The following THEMIS variants were observed in gnomAD, a reference collection of about 807,000 sequenced individuals.
THEMIS encodes the protein thymocyte selection associated.
A neutral mutation model predicts 52.6 loss-of-function variants in THEMIS; 37 were observed. The ratio of observed to expected loss-of-function variants is 0.70; its 90% confidence interval spans 0.54 to 0.93. The LOEUF (loss-of-function observed/expected upper bound fraction) is 0.93. Among genes scored for constraint, THEMIS ranks in the 40% least tolerant of loss-of-function variants. THEMIS has a pLI of 0.00. For missense variants in THEMIS, 808 were observed against 763.1 expected, an observed-to-expected ratio of 1.06 and a Z score of -0.69; for synonymous variants, 292 against 272.7, an observed-to-expected ratio of 1.07 and a Z score of -0.70.
chr6:127,911,246 C>T (rs1023275658), intron 1 of THEMIS, among the ~76,000 whole-genome samples: 1 of 151,160 alleles, frequency 6.6e-6, no homozygotes, highest in Admixed American at 6.6e-5. Flanking sequence ...TTAAGTGTAG[C>T]CTACACTTAA....
At chr6:127,751,497 C>A (rs1775642832) in intron 4 of THEMIS, among the ~76,000 whole-genome samples, 1 of 151,452 alleles carries the variant, frequency 6.6e-6, no homozygotes, top group Non-Finnish European at 1.5e-5. Flanking sequence ...ATATTCCATG[C>A]AAACAGTAAC....
chr6:127,829,487 C>G lies in THEMIS; in HGVS notation c.698G>C (p.Gly233Ala), dbSNP rs267600794. 2 of 1,602,582 alleles carry G rather than the reference C, an allele frequency of 1.2e-6. No individual in the cohort carries two copies. Among genetic ancestry groups the G allele is most frequent in the Non-Finnish European group, 1.7e-6 (2 of 1,174,974 alleles). The change falls in exon 3 of 6, where the codon GGT (glycine) becomes GCT (alanine). Residue 233 changes from glycine to alanine, a missense_variant. By Grantham distance (60) the Gly-to-Ala change is moderately conservative (BLOSUM62 0). Transcript: ENST00000368248. The stretch of plus-strand genomic sequence containing the variant: ...CAGTGGATACTCACATTTCATCACA[C>G]CTTGAATTTCATAAACAGGCTTGAG... ...LILKPVYEIQ[G>A]VMKFRKDIIR...
intron 4 of THEMIS, among the ~76,000 whole-genome samples, chr6:127,779,672 A>G (rs1776680043): frequency 6.6e-6 from 1 of 152,180 alleles, no homozygotes; most frequent in Non-Finnish European, 1.5e-5. Flanking sequence ...CTCAAAATTC[A>G]TTTTTATCAA....
chr6:127,837,732 T>A (rs1246801284), intron 2 of THEMIS, among the ~76,000 whole-genome samples: 1 of 152,044 alleles, frequency 6.6e-6, no homozygotes, highest in Non-Finnish European at 1.5e-5. Context: ...AATTCTGACA[T>A]TTTTTAACTT....
chr6:127,843,935 C>T (rs1385138233), intron 2 of THEMIS, among the ~76,000 whole-genome samples: 1 of 151,964 alleles, frequency 6.6e-6, no homozygotes, highest in Non-Finnish European at 1.5e-5. Flanking sequence ...GACTCCATTC[C>T]CTGCCTACGG....
Position 127,719,672 on chromosome 6 carries a change from A to G in THEMIS, c.1894+16T>C, listed in dbSNP as rs1266680170. 4.4e-6 allele frequency: 7 copies of G among 1,600,240 alleles called. No homozygotes were observed. The highest frequency in any genetic ancestry group is 6.0e-6 in the Non-Finnish European group (7 of 1,174,456). On this transcript the variant is annotated intron_variant, in intron 5 of 5. Transcript: ENST00000368248. ...TAAACCACCGTGGTTTAACTGACCT[A>G]TAGTCACATCAGTACCTGCTATTGC...
At chr6:127,706,435 A>T (rs947612659), downstream of THEMIS, among the ~76,000 whole-genome samples, 3 of 152,064 alleles carry the variant, frequency 2.0e-5, no homozygotes, top group African/African-American at 7.2e-5. Context: ...CAGTATTCAG[A>T]CCTGGGCAGT....
chr6:127,697,754 T>C, the THEMIS span, among the ~76,000 whole-genome samples: 3 of 152,168 alleles, frequency 2.0e-5, no homozygotes, highest in African/African-American at 7.2e-5. Flanking sequence ...TAATGAAATG[T>C]TCATTTTCTT....
At chr6:127,776,611 C>T (rs923002662) in intron 4 of THEMIS, among the ~76,000 whole-genome samples, 49 of 152,328 alleles carry the variant, frequency 3.2e-4, no homozygotes, top group African/African-American at 1.2e-3. Flanking sequence ...AGACCCATAG[C>T]TAGAACCACC....
intron 4 of THEMIS, among the ~76,000 whole-genome samples, chr6:127,726,600 C>T (rs1366403963): frequency 2.0e-5 from 3 of 152,144 alleles, no homozygotes; most frequent in Non-Finnish European, 4.4e-5. Flanking sequence ...GCATCTTCCT[C>T]TATTTTCCCT....
At chr6:127,892,569 A>G (rs1205513180) in intron 1 of THEMIS, among the ~76,000 whole-genome samples, 3 of 151,834 alleles carry the variant, frequency 2.0e-5, no homozygotes, top group Non-Finnish European at 2.9e-5. Flanking sequence ...CATTATTAGG[A>G]TGTATGTAAG....
chr6:127,734,443 A>C (rs1185384881), intron 4 of THEMIS, among the ~76,000 whole-genome samples: 2 of 152,230 alleles, frequency 1.3e-5, no homozygotes, highest in Non-Finnish European at 1.5e-5. Flanking sequence ...TGATGAAGTC[A>C]GGTAATGAGT....
intron 4 of THEMIS, among the ~76,000 whole-genome samples, chr6:127,800,464 T>C (rs1777494606): frequency 6.6e-6 from 1 of 152,198 alleles, no homozygotes; most frequent in Non-Finnish European, 1.5e-5. Flanking sequence ...AACATCATAC[T>C]AGGCATCTCA....
intron 2 of THEMIS, among the ~76,000 whole-genome samples, chr6:127,830,787 C>T (rs188617169): frequency 1.3e-5 from 2 of 152,258 alleles, no homozygotes; most frequent in East Asian, 3.9e-4. Flanking sequence ...GTACTTAAAG[C>T]CACTGAACTG....
At chr6:127,909,321 C>A (rs564269331) in intron 1 of THEMIS, among the ~76,000 whole-genome samples, 20 of 152,138 alleles carry the variant, frequency 1.3e-4, no homozygotes, top group African/African-American at 4.6e-4. Flanking sequence ...TGTAATAATA[C>A]CCACATGTCA....
At chr6:127,823,097 G>A (rs1778395690) in intron 3 of THEMIS, among the ~76,000 whole-genome samples, 1 of 151,910 alleles carries the variant, frequency 6.6e-6, no homozygotes, top group African/African-American at 2.4e-5. Context: ...TCCTAACAAG[G>A]CATTAATAGT....
intron 4 of THEMIS, among the ~76,000 whole-genome samples, chr6:127,738,404 G>A (rs1034126453): frequency 6.6e-6 from 1 of 152,150 alleles, no homozygotes; most frequent in African/African-American, 2.4e-5. Context: ...AGGCCTTAGT[G>A]TGGTTTAGGG....
chr6:127,699,986 TA>T, the THEMIS span, among the ~76,000 whole-genome samples: 33 of 151,950 alleles, frequency 2.2e-4, no homozygotes, highest in South Asian at 6.6e-3. Context: ...AACTGTGTTT[TA>T]ACAGACTATT....
chr6:127,710,490 C>T (rs1773939344), intron 5 of THEMIS, among the ~76,000 whole-genome samples: 1 of 151,848 alleles, frequency 6.6e-6, no homozygotes, highest in Non-Finnish European at 1.5e-5. Flanking sequence ...AGAATGCAAG[C>T]CTATTGGAGT....
Sources: gnomAD v4.1 joint callset for allele counts (sites outside exome capture counted in the v4.1 genomes callset) on GRCh38, gnomAD v4.1.1 for gene constraint, MANE v1.5 for transcripts, NCBI Gene and HGNC (gene_info 2026-07-23, HGNC 2026-07-21) for gene names.